The following KIRREL1 variants were observed in gnomAD, a reference collection of about 807,000 sequenced individuals.
KIRREL1 encodes kirre like nephrin family adhesion molecule 1, also known as kin of IRRE-like protein 1.
A neutral mutation model predicts 83.3 loss-of-function variants in KIRREL1; 25 were observed. The observed-to-expected ratio is 0.30, with a 90% CI of 0.22 to 0.42. The LOEUF is 0.42. Ranked by LOEUF, KIRREL1 falls within the 10% of genes least tolerant of loss-of-function variation. The pLI is 1.00. For synonymous variants in KIRREL1, 388 were observed against 410.4 expected (o/e 0.95, Z 0.66); for missense variants, 812 against 1,032.3 (o/e 0.79, Z 2.92).
At chr1:158,017,606 C>T (rs897448667) in intron 1 of KIRREL1, among the ~76,000 whole-genome samples, 17 of 151,912 alleles carry the variant, frequency 1.1e-4, no homozygotes, top group South Asian at 2.1e-4. Context: ...GCAGGAGAAT[C>T]GCTTGAACCC....
chr1:157,994,556 C>T (rs1659138437), intron 1 of KIRREL1, among the ~76,000 whole-genome samples: 1 of 151,434 alleles, frequency 6.6e-6, no homozygotes, highest in Non-Finnish European at 1.5e-5. Context: ...GTATCCTGGG[C>T]AGGGCTGGGG....
intron 10 of KIRREL1, among the ~76,000 whole-genome samples, chr1:158,090,700 C>A (rs1366648122): frequency 2.6e-5 from 4 of 152,188 alleles, no homozygotes; most frequent in Non-Finnish European, 4.4e-5. Context: ...TGGGTTCTGC[C>A]TATTATAAGT....
At chr1:158,088,963 G>C (rs996624259) in intron 8 of KIRREL1, among the ~76,000 whole-genome samples, 1 of 151,700 alleles carries the variant, frequency 6.6e-6, no homozygotes, top group Non-Finnish European at 1.5e-5. Flanking sequence ...GCACTGGGGG[G>C]ACAAACTCAC....
At chr1:158,085,833 G>A (rs950415465) in intron 4 of KIRREL1, among the ~76,000 whole-genome samples, 5 of 152,210 alleles carry the variant, frequency 3.3e-5, no homozygotes, top group African/African-American at 9.7e-5. Context: ...CTTCGAGCCT[G>A]TGAGTCCCTT....
At chr1:158,013,315 GA>G (rs1659738624) in intron 1 of KIRREL1, among the ~76,000 whole-genome samples, 1 of 152,184 alleles carries the variant, frequency 6.6e-6, no homozygotes, top group African/African-American at 2.4e-5. Context: ...GTGGCAAAGA[GA>G]GTCACCTGGG....
At chr1:158,043,230 G>C (rs1660688206) in intron 1 of KIRREL1, among the ~76,000 whole-genome samples, 1 of 152,322 alleles carries the variant, frequency 6.6e-6, no homozygotes, top group Admixed American at 6.5e-5. Context: ...AGAGGCTACA[G>C]ATGGGAAAAG....
rs759734884 is a variant in KIRREL1, at chr1:158,091,559, G to A, written c.1471+3G>A. 2 of 1,613,960 alleles carry A rather than the reference G, an allele frequency of 1.2e-6. No individual in the cohort carries two copies. The highest frequency in any genetic ancestry group is 1.7e-5 in the Admixed American group (1 of 60,032). ...CATCATCCAGCTGGAAGAGCGAGGT[G>A]ACTGGTAGTGCTGCCTGCCAGCTGG... On this transcript the variant is annotated splice_donor_region_variant and intron_variant, in intron 11 of 14. Coordinates refer to ENST00000359209, the MANE Select transcript of KIRREL1 (RefSeq NM_018240.7).
chr1:158,017,852 A>G (rs1257564928), intron 1 of KIRREL1, among the ~76,000 whole-genome samples: 1 of 150,952 alleles, frequency 6.6e-6, no homozygotes, highest in African/African-American at 2.4e-5. Context: ...CTTAGAAGAC[A>G]AAAGATCCTT....
intron 1 of KIRREL1, among the ~76,000 whole-genome samples, chr1:158,007,279 G>T (rs1198826695): frequency 6.6e-6 from 1 of 152,186 alleles, no homozygotes; most frequent in African/African-American, 2.4e-5. Flanking sequence ...AGACACTGGA[G>T]CTGGGTCATC....
chr1:158,033,782 C>G (rs773046624), intron 1 of KIRREL1, among the ~76,000 whole-genome samples: 39 of 151,916 alleles, frequency 2.6e-4, no homozygotes, highest in Non-Finnish European at 5.3e-4. Context: ...GGAGTTAAGA[C>G]CAGCCTGGCC....
At chr1:158,020,500 T>TG (rs1659974671) in intron 1 of KIRREL1, among the ~76,000 whole-genome samples, 1 of 151,212 alleles carries the variant, frequency 6.6e-6, no homozygotes, top group South Asian at 2.1e-4. Flanking sequence ...TAGACTATAA[T>TG]GCTACTTGTG....
chr1:158,088,002 C>T lies in KIRREL1; in HGVS notation c.768-4C>T, dbSNP rs760261636. 3.1e-6 allele frequency: 5 copies of T among 1,614,132 alleles called. No individual in the cohort carries two copies. The highest frequency in any genetic ancestry group is 4.2e-6 in the Non-Finnish European group (5 of 1,180,004). On this transcript the variant is annotated splice_region_variant and splice_polypyrimidine_tract_variant and intron_variant, in intron 6 of 14. Transcript: ENST00000359209. ...TCCCACCTCTGTGTTGCCTCCTCCC[C>T]TAGGTGGGCCAAAGGGGGTTTCTTG... is the stretch of plus-strand genomic sequence containing the variant.
At chr1:157,994,671 C>T (rs865900654) in intron 1 of KIRREL1, among the ~76,000 whole-genome samples, 1 of 152,142 alleles carries the variant, frequency 6.6e-6, no homozygotes, top group Non-Finnish European at 1.5e-5. Flanking sequence ...CTAAGGAAGA[C>T]TGAATCCTGC....
rs1206961859 is a variant in KIRREL1 at position 158,089,344 on chromosome 1, G to C, written c.1045-158G>C. On this transcript the variant is annotated intron_variant, in intron 8 of 14. Coordinates refer to ENST00000359209, the MANE Select transcript of KIRREL1 (RefSeq NM_018240.7). ...TTACGTGCCAACCTGTGTAGAGTCAGAGCATGGACCAAAATGGACTCGGGA... is the reference window on the plus strand; with the variant it reads ...TTACGTGCCAACCTGTGTAGAGTCACAGCATGGACCAAAATGGACTCGGGA... The C allele has an allele frequency of 3.5e-6, 4 of 1,132,564 alleles. No homozygotes were observed. The Admixed American group carries it at 7.8e-5, about 22-fold the overall frequency. The allele number at this position is 1,132,564 out of a possible 1,614,324, so 70.2% of individuals were successfully genotyped here.
At chr1:158,065,299 G>T (rs1023376625) in intron 1 of KIRREL1, among the ~76,000 whole-genome samples, 2 of 152,332 alleles carry the variant, frequency 1.3e-5, no homozygotes, top group African/African-American at 4.8e-5. Flanking sequence ...GCTCTTCTCA[G>T]ATTGTGCTTA....
At chr1:158,060,849 C>T (rs1220448543) in intron 1 of KIRREL1, among the ~76,000 whole-genome samples, 2 of 152,160 alleles carry the variant, frequency 1.3e-5, no homozygotes, top group Admixed American at 6.5e-5. Flanking sequence ...ACTCCGGTGC[C>T]GTCTCCTAGC....
chr1:158,018,168 G>T (rs955889908), intron 1 of KIRREL1, among the ~76,000 whole-genome samples: 1 of 152,094 alleles, frequency 6.6e-6, no homozygotes, highest in African/African-American at 2.4e-5. Flanking sequence ...GAATTGGGGG[G>T]GTGGGAAGCA....
Position 158,093,745 on chromosome 1 carries a change from A to G in KIRREL1, c.1702A>G (p.Met568Val). The change falls in exon 13 of 15, where the codon ATG becomes GTG. Residue 568 changes from methionine to valine, a missense_variant. Met to Val is a conservative substitution (Grantham distance 21, BLOSUM62 1). This residue lies in a region of KIRREL1 where 334 missense variants were observed against 383.7 expected (regional missense o/e 0.87). Coordinates refer to ENST00000359209, the MANE Select transcript of KIRREL1 (RefSeq NM_018240.7). Reference sequence around the variant, plus strand: ...CAGCGTCTCCACAGCAACCCGGGTCATGAAGGCCATCTACTCGGTGAGGGT... The same window carrying G: ...CAGCGTCTCCACAGCAACCCGGGTCGTGAAGGCCATCTACTCGGTGAGGGT... ...TASVSTATRV[M>V]KAIYSSFKDD... is the part of the protein sequence containing the mutation. The G allele has an allele frequency of 1.2e-6, 2 of 1,614,184 alleles. No individual in the cohort carries two copies. Among genetic ancestry groups the G allele is most frequent in the Admixed American group, 1.7e-5 (1 of 60,022 alleles).
In KIRREL1 at chr1:158,094,469, G is replaced by T; in HGVS notation, c.1797+79G>T. On this transcript the variant is annotated intron_variant, in intron 14 of 14. Coordinates refer to ENST00000359209, the MANE Select transcript of KIRREL1 (RefSeq NM_018240.7). This position sits in a 1 kb window ranked among gnomAD's most constrained non-coding sequence, Gnocchi z 4.6. ...TGAGGTCCTGTAGCGGGGAGGTGAG[G>T]TGAGGACAGACTTGGGGAGGAGTGG... is the stretch of plus-strand genomic sequence containing the variant. 1 of 1,447,946 alleles carries T rather than the reference G, an allele frequency of 6.9e-7. No individual in the cohort carries two copies. Among genetic ancestry groups the T allele is most frequent in the South Asian group, 1.2e-5 (1 of 86,192 alleles). 89.7% of individuals were successfully genotyped at this position (1,447,946 alleles called of 1,614,324 possible). A position where few individuals can be genotyped will look rare whatever the true frequency, so the allele number is the denominator to read the frequency against.
Sources: gnomAD v4.1 joint callset for allele counts (sites outside exome capture counted in the v4.1 genomes callset) on GRCh38, gnomAD v4.1.1 for gene constraint, gnomAD v4.1.1 regional missense constraint, Gnocchi (gnomAD v3.1) non-coding constraint, MANE v1.5 for transcripts, NCBI Gene and HGNC (gene_info 2026-07-23, HGNC 2026-07-21) for gene names.